ADAM22: variants seen among roughly 807,000 people sequenced by gnomAD.
ADAM22 encodes disintegrin and metalloproteinase domain-containing protein 22.
In ADAM22, 65 loss-of-function variants were observed where a neutral mutation model predicts 144.6. The ratio of observed to expected loss-of-function variants is 0.45; its 90% CI spans 0.37 to 0.55. ADAM22 has a LOEUF of 0.55. Ranked by LOEUF, ADAM22 falls within the 20% of genes least tolerant of loss-of-function variation. The probability of loss-of-function intolerance (pLI) is 0.00; values close to 1 mark genes in which losing one functional copy is unlikely to be tolerated. For missense variants in ADAM22, 974 were observed against 1,184.9 expected (o/e 0.82, Z 2.61); for synonymous variants, 391 against 412.6 (o/e 0.95, Z 0.63).
intron 7 of ADAM22, among the ~76,000 whole-genome samples, chr7:88,117,280 A>G (rs904906348): frequency 1.3e-5 from 2 of 152,226 alleles, no homozygotes; most frequent in Non-Finnish European, 2.9e-5. Flanking sequence ...TCTCATCTAT[A>G]CCTAAATGGA....
rs1832353362 is a variant in ADAM22 at position 88,133,716 on chromosome 7, AG to A, written c.1078-611del. 5.3e-5 allele frequency among the ~76,000 whole-genome samples: 8 copies of A among 152,304 alleles called. No homozygotes were observed. In the South Asian group the frequency reaches 1.7e-3, roughly 32 times the overall value. ...GATTTGGGGATAAGAAAAATAGAGT[AG>A]GTTTTCCAAAGGGTTTCTTTTACTC... On this transcript the variant is annotated intron_variant, in intron 12 of 31. Coordinates refer to ENST00000413139, the MANE Select transcript of ADAM22 (RefSeq NM_001324418.2).
intron 6 of ADAM22, 62 bp downstream of exon 6, chr7:88,114,709 C>G (rs1827311675): frequency 1.3e-6 from 2 of 1,495,530 alleles, no homozygotes; most frequent in South Asian, 2.4e-5. Flanking sequence ...CTTTTTTCCT[C>G]TCCTTTTTTT....
At chr7:88,096,327 C>A (rs1409341409) in intron 4 of ADAM22, among the ~76,000 whole-genome samples, 1 of 148,202 alleles carries the variant, frequency 6.7e-6, no homozygotes, top group East Asian at 2.0e-4. Context: ...TTCCTTTTTT[C>A]TGCTCTGAAA....
intron 3 of ADAM22, among the ~76,000 whole-genome samples, chr7:88,048,055 C>G (rs951764989): frequency 6.6e-6 from 1 of 152,106 alleles, no homozygotes; most frequent in Non-Finnish European, 1.5e-5. Context: ...TTATGTCCTG[C>G]CCTGTTGCTA....
At chr7:88,127,893 T>G (rs566431470) in intron 8 of ADAM22, among the ~76,000 whole-genome samples, 44 of 152,094 alleles carry the variant, frequency 2.9e-4, no homozygotes, top group Non-Finnish European at 5.2e-4. Flanking sequence ...TTTTCCTTAG[T>G]GGCTTTTCCC....
chr7:88,124,061 A>G (rs1829885173), intron 7 of ADAM22, among the ~76,000 whole-genome samples: 1 of 151,934 alleles, frequency 6.6e-6, no homozygotes, highest in Non-Finnish European at 1.5e-5. Flanking sequence ...TGAATGTTTC[A>G]TGTATTCTTG....
At chr7:88,063,786 A>C (rs1479495705) in intron 3 of ADAM22, among the ~76,000 whole-genome samples, 1 of 152,226 alleles carries the variant, frequency 6.6e-6, no homozygotes. Flanking sequence ...ATTACTAGCC[A>C]TACTAGGAGA....
chr7:88,140,126 A>G (rs576737298), intron 14 of ADAM22, among the ~76,000 whole-genome samples: 3 of 152,114 alleles, frequency 2.0e-5, no homozygotes, highest in African/African-American at 7.2e-5. Context: ...TTAACAACCG[A>G]ATCTCGTGTA....
intron 2 of ADAM22, among the ~76,000 whole-genome samples, chr7:87,977,056 G>A (rs1200810485): frequency 6.6e-6 from 1 of 152,086 alleles, no homozygotes; most frequent in Non-Finnish European, 1.5e-5. Context: ...TAGTTGAGAA[G>A]AGTTAAGAGT....
intron 7 of ADAM22, among the ~76,000 whole-genome samples, chr7:88,122,608 A>G (rs1455201992): frequency 6.6e-6 from 1 of 152,190 alleles, no homozygotes; most frequent in East Asian, 1.9e-4. Flanking sequence ...AATCAGATCC[A>G]GGTGTGGATG....
intron 4 of ADAM22, among the ~76,000 whole-genome samples, chr7:88,082,876 T>G (rs1397512906): frequency 6.6e-6 from 1 of 152,116 alleles, no homozygotes; most frequent in South Asian, 2.1e-4. Flanking sequence ...AGGAACACTT[T>G]TACACTGTTG....
At chr7:88,053,634 A>AAGAAAGAAAGAAAGAAAGAAAG (rs1554432336) in intron 3 of ADAM22, among the ~76,000 whole-genome samples, 12 of 96,668 alleles carry the variant, frequency 1.2e-4, no homozygotes, top group Admixed American at 4.6e-4. Flanking sequence ...GAAAGAAAGA[A>AAGAAAGAAAGAAAGAAAGAAAG]AGAAAGAAAG....
chr7:88,047,645 T>G (rs1417258853), intron 3 of ADAM22, among the ~76,000 whole-genome samples: 2 of 152,208 alleles, frequency 1.3e-5, no homozygotes, highest in African/African-American at 4.8e-5. Flanking sequence ...CCATGAACTG[T>G]ATGTATTCTG....
chr7:87,947,893 A>G (rs769578105), intron 2 of ADAM22, among the ~76,000 whole-genome samples: 7 of 152,132 alleles, frequency 4.6e-5, no homozygotes, highest in Non-Finnish European at 1.0e-4. Context: ...GCACAGACAG[A>G]GCCTTGTACA....
At chr7:88,055,907 C>T (rs1442088398) in intron 3 of ADAM22, among the ~76,000 whole-genome samples, 1 of 152,110 alleles carries the variant, frequency 6.6e-6, no homozygotes, top group South Asian at 2.1e-4. Flanking sequence ...TATCTTCAAC[C>T]CCTATCATGA....
chr7:87,985,027 T>G (rs1371778858), intron 3 of ADAM22, among the ~76,000 whole-genome samples: 2 of 151,972 alleles, frequency 1.3e-5, no homozygotes, highest in African/African-American at 2.4e-5. Flanking sequence ...TTAAAGAATT[T>G]TATTGGCTAG....
chr7:87,938,300 C>T (rs1327112118), intron 2 of ADAM22, among the ~76,000 whole-genome samples: 2 of 139,014 alleles, frequency 1.4e-5, no homozygotes, highest in Admixed American at 7.9e-5. Flanking sequence ...CTTATTGCAA[C>T]CTCCACCTCC....
intron 3 of ADAM22, among the ~76,000 whole-genome samples, chr7:88,014,982 C>T (rs1221698576): frequency 6.6e-6 from 1 of 152,208 alleles, no homozygotes; most frequent in Non-Finnish European, 1.5e-5. Context: ...GATTCTGCTA[C>T]AGAGCCATGA....
intron 4 of ADAM22, among the ~76,000 whole-genome samples, chr7:88,084,841 C>G (rs944410358): frequency 1.3e-5 from 2 of 152,190 alleles, no homozygotes; most frequent in Non-Finnish European, 2.9e-5. Flanking sequence ...TGTATGTTCT[C>G]TCAATTCTGA....
Sources: allele counts gnomAD v4.1 joint callset (sites outside exome capture counted in the v4.1 genomes callset), GRCh38; gene constraint gnomAD v4.1.1; transcripts MANE v1.5; gene names NCBI Gene and HGNC (gene_info 2026-07-23, HGNC 2026-07-21).